DPP10: variants seen among roughly 807,000 people sequenced by gnomAD.
DPP10 encodes the protein inactive dipeptidyl peptidase 10.
Under a neutral mutation model 120.9 loss-of-function variants are expected in DPP10, and 33 were observed. The observed-to-expected ratio is 0.27, with a 90% confidence interval of 0.21 to 0.37. The LOEUF (loss-of-function observed/expected upper bound fraction) is 0.37, where lower values mean the gene tolerates loss of function less well. Among genes scored for constraint, DPP10 ranks in the 10% least tolerant of loss-of-function variants. The probability of loss-of-function intolerance (pLI) is 1.00; values close to 1 mark genes in which losing one functional copy is unlikely to be tolerated. For missense variants in DPP10, 816 were observed against 942.8 expected (o/e 0.87, Z 1.76); for synonymous variants, 337 against 326.1 (o/e 1.03, Z -0.36).
intron 3 of DPP10, among the ~76,000 whole-genome samples, chr2:115,417,592 G>T (rs191986721): frequency 6.6e-6 from 1 of 151,982 alleles, no homozygotes; most frequent in East Asian, 1.9e-4. Context: ...ATGTCACCCC[G>T]CTTTAGATAT....
chr2:115,823,593 C>T (rs1415407340), intron 21 of DPP10, among the ~76,000 whole-genome samples: 2 of 152,110 alleles, frequency 1.3e-5, no homozygotes, highest in African/African-American at 2.4e-5. Context: ...TTCCAGCTTT[C>T]AGTTTGTATT....
intron 1 of DPP10, among the ~76,000 whole-genome samples, chr2:114,604,215 A>G (rs1449596180): frequency 6.6e-6 from 1 of 152,000 alleles, no homozygotes; most frequent in Non-Finnish European, 1.5e-5. Flanking sequence ...GGTTTGCATA[A>G]ACAGGCAAGG....
chr2:115,729,796 GAA>G (rs2092855809), intron 8 of DPP10, among the ~76,000 whole-genome samples: 1 of 84,942 alleles, frequency 1.2e-5, no homozygotes, highest in African/African-American at 4.2e-5. Flanking sequence ...GGGAGAGAGA[GAA>G]AAAGAGAGAG....
At chr2:115,332,837 C>A (rs1040767294) in intron 2 of DPP10, among the ~76,000 whole-genome samples, 1 of 151,920 alleles carries the variant, frequency 6.6e-6, no homozygotes, top group Non-Finnish European at 1.5e-5. Flanking sequence ...GGAGAGCATT[C>A]CTTCCAAGTA....
At chr2:114,531,166 TA>T (rs1685945762) in intron 1 of DPP10, among the ~76,000 whole-genome samples, 1 of 152,240 alleles carries the variant, frequency 6.6e-6, no homozygotes, top group South Asian at 2.1e-4. Flanking sequence ...GCACCTCTTA[TA>T]TTCTAAGAAC....
chr2:114,840,575 A>G lies in DPP10; in HGVS notation c.60+397737A>G, dbSNP rs532256091. Among the ~76,000 whole-genome samples, 18 of 152,296 alleles carry G rather than the reference A, an allele frequency of 1.2e-4. No individual in the cohort carries two copies. In the East Asian group the frequency reaches 2.1e-3, roughly 18 times the overall value. On this transcript the variant is annotated intron_variant, in intron 1 of 25. Transcript: ENST00000410059. ...TTTCAGCCATTTAAAATAGGAAAAC[A>G]ATGAAAAGAAAGCCTCCCTTAAAAT... is the stretch of plus-strand genomic sequence containing the variant.
At chr2:115,788,993 C>CTG (rs1683648342) in intron 17 of DPP10, among the ~76,000 whole-genome samples, 1 of 151,992 alleles carries the variant, frequency 6.6e-6, no homozygotes, top group South Asian at 2.1e-4. Flanking sequence ...TGGCGGGCGC[C>CTG]TGTAGTCCCA....
chr2:114,623,158 G>A (rs1177256358), intron 1 of DPP10, among the ~76,000 whole-genome samples: 2 of 152,088 alleles, frequency 1.3e-5, no homozygotes, highest in Non-Finnish European at 2.9e-5. Context: ...TGACCCATGA[G>A]GATGGTGCAG....
chr2:115,562,059 A>T (rs1017625627), intron 5 of DPP10, among the ~76,000 whole-genome samples: 2 of 152,214 alleles, frequency 1.3e-5, no homozygotes, highest in Admixed American at 6.5e-5. Context: ...CCCACATGTT[A>T]TAGAGCCAGT....
At chr2:115,385,186 G>T (rs910711291) in intron 3 of DPP10, among the ~76,000 whole-genome samples, 3 of 151,830 alleles carry the variant, frequency 2.0e-5, no homozygotes, top group African/African-American at 7.3e-5. Flanking sequence ...CCATTTTCTT[G>T]TCTCCCTTGA....
At chr2:114,729,774 A>G (rs1209206189) in intron 1 of DPP10, among the ~76,000 whole-genome samples, 1 of 152,222 alleles carries the variant, frequency 6.6e-6, no homozygotes, top group Non-Finnish European at 1.5e-5. Flanking sequence ...ACGTCCTCAA[A>G]CAATATCTTG....
At chr2:115,457,028 T>A (rs843445) in intron 3 of DPP10, among the ~76,000 whole-genome samples, 147,366 of 152,084 alleles carry the variant, frequency 0.97, 71,580 homozygotes, top group East Asian at 1. Flanking sequence ...CTTACTATAA[T>A]GTTACAGTAG....
rs398104635 is a variant in DPP10 at position 115,373,886 on chromosome 2, AG to A, written c.271+29975del. 2.5e-3 allele frequency among the ~76,000 whole-genome samples: 32 copies of A among 12,784 alleles called. No individual in the cohort carries two copies. In the East Asian group the frequency reaches 0.033, roughly 13 times the overall value. 8.4% of individuals were successfully genotyped at this position (12,784 alleles called of 152,430 possible). Reference sequence around the variant, plus strand: ...GCATGTCTCACCATAGCCAAGCAGAAGAGAGAGAGAGAGAGAGAGTGAAATG... The same window carrying A: ...GCATGTCTCACCATAGCCAAGCAGAAAGAGAGAGAGAGAGAGAGTGAAATG... On this transcript the variant is annotated intron_variant, in intron 3 of 25. Coordinates refer to ENST00000410059, the MANE Select transcript of DPP10 (RefSeq NM_020868.6).
intron 5 of DPP10, among the ~76,000 whole-genome samples, chr2:115,675,534 T>C (rs1187888911): frequency 6.6e-6 from 1 of 152,074 alleles, no homozygotes; most frequent in Non-Finnish European, 1.5e-5. Flanking sequence ...CTTGAGATGG[T>C]AGCATAGAGA....
chr2:115,060,115 T>C (rs2105387275), intron 1 of DPP10, among the ~76,000 whole-genome samples: 1 of 151,830 alleles, frequency 6.6e-6, no homozygotes, highest in East Asian at 1.9e-4. Context: ...ATGACCCTTA[T>C]AGTTTAGTGC....
chr2:114,786,704 T>C (rs113666280), intron 1 of DPP10, among the ~76,000 whole-genome samples: 9 of 152,184 alleles, frequency 5.9e-5, no homozygotes, highest in South Asian at 2.1e-4. Flanking sequence ...TAAACCAGTA[T>C]TGAGCACTGA....
chr2:114,798,861 G>GTT (rs1165841414), intron 1 of DPP10, among the ~76,000 whole-genome samples: 1 of 152,146 alleles, frequency 6.6e-6, no homozygotes, highest in African/African-American at 2.4e-5. Flanking sequence ...GGGCATGGTT[G>GTT]CTCACGCCTG....
At chr2:114,694,968 A>G (rs1360829501) in intron 1 of DPP10, among the ~76,000 whole-genome samples, 1 of 152,000 alleles carries the variant, frequency 6.6e-6, no homozygotes, top group Non-Finnish European at 1.5e-5. Flanking sequence ...TTGCAGAAGG[A>G]GTAAAAAATC....
chr2:114,707,249 T>A (rs1024036680), intron 1 of DPP10: 9 of 151,514 alleles, frequency 5.9e-5, no homozygotes, highest in African/African-American at 2.2e-4. Context: ...AAGAATGCAT[T>A]AGTAATAGAG....
Sources: gnomAD v4.1 joint callset for allele counts (sites outside exome capture counted in the v4.1 genomes callset) on GRCh38, gnomAD v4.1.1 for gene constraint, MANE v1.5 for transcripts, NCBI Gene and HGNC (gene_info 2026-07-23, HGNC 2026-07-21) for gene names.